Variants in N4BP2L1 observed in about 807,000 individuals in gnomAD.
The protein encoded by N4BP2L1 is NEDD4 binding protein 2 like 1, also known as NEDD4-binding protein 2-like 1.
Under a neutral mutation model 21.2 loss-of-function variants are expected in N4BP2L1, and 12 were observed. That is an observed-to-expected ratio of 0.57 (90% confidence interval 0.36 to 0.92). The LOEUF is 0.92. N4BP2L1 is among the 40% of genes least tolerant of loss of function. The pLI is 0.01. For synonymous variants in N4BP2L1, 104 were observed against 112.8 expected, an observed-to-expected ratio of 0.92 and a Z score of 0.49; for missense variants, 259 against 310.6, an observed-to-expected ratio of 0.83 and a Z score of 1.25.
chr13:32,421,236 G>A (rs749474653), intron 1 of N4BP2L1, among the ~76,000 whole-genome samples: 27 of 152,300 alleles, frequency 1.8e-4, no homozygotes, highest in Non-Finnish European at 3.5e-4. Flanking sequence ...TGAAGCTTAC[G>A]TTCTAGTAAA....
chr13:32,407,896 G>A, intron 1 of N4BP2L1, 124 bp from the exon 2 acceptor site: 4 of 1,110,606 alleles, frequency 3.6e-6, no homozygotes, highest in Non-Finnish European at 5.1e-6. Flanking sequence ...GTTTGGAGTT[G>A]TTAAAATGCA....
chr13:32,419,458 G>GTTTTT (rs2074350158), intron 1 of N4BP2L1: 1 of 274,704 alleles, frequency 3.6e-6, no homozygotes, highest in Non-Finnish European at 7.0e-6. Context: ...GTATTTTACA[G>GTTTTT]ACGGGGTTTC....
At position 32,404,396 on chromosome 13, in the gene N4BP2L1, G is replaced by T; in HGVS notation, c.398C>A (p.Ala133Glu). The T allele has an allele frequency of 6.2e-7, 1 of 1,609,526 alleles. No individual in the cohort carries two copies. The highest frequency in any genetic ancestry group is 8.5e-7 in the Non-Finnish European group (1 of 1,177,464). The change falls in exon 4 of 5, where the codon GCA becomes GAA. Residue 133 changes from alanine (A) to glutamate (E), a missense_variant and splice_region_variant. Ala to Glu is a moderately radical substitution (Grantham distance 107). Transcript: ENST00000380130. Reference sequence around the variant, plus strand: ...TATAACTTCATAGTTATTTTCAAGTGCCTGATTTTTCAAAAGTACATAAAA... The same window carrying T: ...TATAACTTCATAGTTATTTTCAAGTTCCTGATTTTTCAAAAGTACATAAAA... ...AWEMKPYAVM[A>E]LENNYEVIFR...
intron 1 of N4BP2L1, 44 bp downstream of exon 1, chr13:32,427,860 G>T: frequency 7.8e-7 from 1 of 1,279,242 alleles, no homozygotes; most frequent in East Asian, 3.1e-5. Context: ...GGGGCGTTTG[G>T]TGGCCCCGGG....
intron 3 of N4BP2L1, chr13:32,406,877 T>A: frequency 4.5e-6 from 1 of 221,770 alleles, no homozygotes; most frequent in Non-Finnish European, 9.0e-6. Flanking sequence ...CGTCCTGTTG[T>A]GACCTGTAGC....
At chr13:32,419,475 T>C (rs1156423107) in intron 1 of N4BP2L1, 1 of 345,878 alleles carries the variant, frequency 2.9e-6, no homozygotes, top group Non-Finnish European at 5.5e-6. Context: ...TTTCACTATG[T>C]TGGCTAGGCT....
chr13:32,420,831 T>A (rs1389847809), intron 1 of N4BP2L1, among the ~76,000 whole-genome samples: 1 of 152,174 alleles, frequency 6.6e-6, no homozygotes, highest in African/African-American at 2.4e-5. Flanking sequence ...GTAGCTGGGA[T>A]TACAGGCACC....
intron 1 of N4BP2L1, among the ~76,000 whole-genome samples, chr13:32,417,316 T>C (rs1463378729): frequency 1.3e-5 from 2 of 152,196 alleles, no homozygotes; most frequent in Non-Finnish European, 2.9e-5. Context: ...AATTGAATCA[T>C]GGCAATGGTT....
At chr13:32,423,734 T>C (rs2074613364) in intron 1 of N4BP2L1, among the ~76,000 whole-genome samples, 1 of 152,158 alleles carries the variant, frequency 6.6e-6, no homozygotes, top group Non-Finnish European at 1.5e-5. Context: ...AGGAGGCAAA[T>C]GCATAGAGAC....
intron 1 of N4BP2L1, 73 bp from the exon 2 acceptor site, chr13:32,407,845 C>T: frequency 6.8e-7 from 1 of 1,463,274 alleles, no homozygotes; most frequent in Non-Finnish European, 9.2e-7. Flanking sequence ...AATCTCCTTC[C>T]ATCTCTAACA....
chr13:32,413,177 C>T (rs1290011578), intron 1 of N4BP2L1, among the ~76,000 whole-genome samples: 3 of 152,168 alleles, frequency 2.0e-5, no homozygotes, highest in Admixed American at 6.5e-5. Context: ...CCACCTGCCT[C>T]GGCCTCCCAA....
intron 3 of N4BP2L1, chr13:32,407,035 TA>T (rs1276652787): frequency 7.0e-6 from 4 of 567,448 alleles, no homozygotes; most frequent in Non-Finnish European, 9.4e-6. Flanking sequence ...GGACTATTTT[TA>T]AATTGTATCC....
chr13:32,415,320 T>G (rs1251164441), intron 1 of N4BP2L1, among the ~76,000 whole-genome samples: 1 of 152,214 alleles, frequency 6.6e-6, no homozygotes, highest in Admixed American at 6.5e-5. Flanking sequence ...CAACAAAGTG[T>G]GCTTGCTAAA....
At chr13:32,416,485 T>C (rs2137886391) in intron 1 of N4BP2L1, 1 of 152,354 alleles carries the variant, frequency 6.6e-6, no homozygotes, top group South Asian at 2.1e-4. Context: ...TTCAGTGAAC[T>C]TCCTTATGCC....
rs1390567636 is a variant in N4BP2L1, at chr13:32,407,689, T to A, written c.263A>T (p.Asn88Ile). The change falls in exon 2 of 5, where the codon AAT (asparagine) becomes ATT (isoleucine). Residue 88 changes from asparagine (N) to isoleucine (I), a missense_variant. Asn to Ile is a moderately radical substitution (Grantham distance 149). Coordinates refer to ENST00000380130, the MANE Select transcript of N4BP2L1 (RefSeq NM_052818.3). ...ATGAGCTTCCTCCAGGAAGTCAGGA[T>A]TGAACTCATAGGCACCATCTTCCCT... ...FFREDGAYEF[N>I]PDFLEEAHEW... The A allele has an allele frequency of 6.2e-7, 1 of 1,613,956 alleles. No individual in the cohort carries two copies. Among genetic ancestry groups the A allele is most frequent in the African/African-American group, 1.3e-5 (1 of 74,904 alleles).
intron 3 of N4BP2L1, among the ~76,000 whole-genome samples, chr13:32,404,818 T>A (rs1445698185): frequency 1.3e-5 from 2 of 151,900 alleles, no homozygotes; most frequent in African/African-American, 4.8e-5. Flanking sequence ...CATAGGAACA[T>A]AACTGGTGAA....
At chr13:32,427,344 C>T (rs1377138662) in intron 1 of N4BP2L1, among the ~76,000 whole-genome samples, 4 of 152,238 alleles carry the variant, frequency 2.6e-5, no homozygotes, top group African/African-American at 7.2e-5. Context: ...GCCACGGCCG[C>T]CCCGGGCCCC....
chr13:32,403,075 C>T lies in N4BP2L1; in HGVS notation c.599G>A (p.Arg200Lys), dbSNP rs1347034384. Residue 200 changes from arginine (R) to lysine (K), a missense_variant, in exon 5 of 5, where the codon AGG (arginine) becomes AAG (lysine). Coordinates refer to ENST00000380130, the MANE Select transcript of N4BP2L1 (RefSeq NM_052818.3). Reference protein sequence around the residue: ...KPSRMNRNQDRNNALPSNNAR... With the variant: ...KPSRMNRNQDKNNALPSNNAR... ...ATTGTTGGAAGGCAATGCATTATTC[C>T]TGTCCTGGTTTCTGTTCATTCTGCT... is the stretch of plus-strand genomic sequence containing the variant. 1.2e-6 allele frequency: 2 copies of T among 1,614,058 alleles called. No individual in the cohort carries two copies. Among genetic ancestry groups the T allele is most frequent in the Admixed American group, 1.7e-5 (1 of 60,014 alleles).
chr13:32,405,933 C>T lies in N4BP2L1; in HGVS notation c.396+1317G>A, dbSNP rs12858723. Among the ~76,000 whole-genome samples the T allele has an allele frequency of 5.2e-3, 651 of 124,282 alleles. 8 individuals carry two copies. Among genetic ancestry groups the T allele is most frequent in the Non-Finnish European group, 8.5e-3 (528 of 62,136 alleles). 81.5% of individuals were successfully genotyped at this position (124,282 alleles called of 152,430 possible). The stretch of plus-strand genomic sequence containing the variant: ...TTTTTTTTTTTTTGAGACAGAGTCT[C>T]GCTCTTTCACCCAGGCTGGAGTGCA... On this transcript the variant is annotated intron_variant, in intron 3 of 4. Transcript: ENST00000380130.
Sources: allele counts gnomAD v4.1 joint callset (sites outside exome capture counted in the v4.1 genomes callset), GRCh38; gene constraint gnomAD v4.1.1; transcripts MANE v1.5; gene names NCBI Gene and HGNC (gene_info 2026-07-23, HGNC 2026-07-21).